The following PIBF1 variants were observed in gnomAD, a reference collection of about 807,000 sequenced individuals.
The protein encoded by PIBF1 is progesterone immunomodulatory binding factor 1, also known as progesterone-induced-blocking factor 1.
A neutral mutation model predicts 112.5 loss-of-function variants in PIBF1; 90 were observed. The ratio of observed to expected loss-of-function variants is 0.80; its 90% CI spans 0.67 to 0.95. The LOEUF is 0.95. PIBF1 is among the 40% of genes least tolerant of loss of function. The pLI is 0.00. For missense variants in PIBF1, 915 were observed against 852.3 expected (o/e 1.07, Z -0.92); for synonymous variants, 301 against 288.6 (o/e 1.04, Z -0.44).
intron 5 of PIBF1, among the ~76,000 whole-genome samples, chr13:72,802,598 G>A (rs2035538361): frequency 6.6e-6 from 1 of 152,166 alleles, no homozygotes; most frequent in Non-Finnish European, 1.5e-5. Flanking sequence ...TGGAAGGATA[G>A]ATTTCTGTTC....
chr13:72,901,078 T>C (rs1274402032), intron 11 of PIBF1: 1 of 447,000 alleles, frequency 2.2e-6, no homozygotes, highest in Non-Finnish European at 4.5e-6. Context: ...TGGGACCTGA[T>C]TAAAGAGCTT....
chr13:72,888,689 A>G (rs763678600), intron 10 of PIBF1, among the ~76,000 whole-genome samples: 2 of 152,274 alleles, frequency 1.3e-5, no homozygotes, highest in South Asian at 2.1e-4. Context: ...AGAATGAGGT[A>G]TAGACATGGA....
chr13:72,868,460 G>A (rs1330187917), intron 10 of PIBF1, among the ~76,000 whole-genome samples: 1 of 152,130 alleles, frequency 6.6e-6, no homozygotes, highest in Non-Finnish European at 1.5e-5. Context: ...ACAATGAAAT[G>A]TTAGCTTCAA....
rs77592941 is a variant in PIBF1 at position 72,864,857 on chromosome 13, T to A, written c.1322+10702T>A. The stretch of plus-strand genomic sequence containing the variant: ...CTCTTATTTCCTACAGTGTATATTC[T>A]GGTCCACAATGAGTCATTTTCAACA... On this transcript the variant is annotated intron_variant, in intron 10 of 17. Transcript: ENST00000326291. Among the ~76,000 whole-genome samples, 30 of 152,336 alleles carry A rather than the reference T, an allele frequency of 2.0e-4. 2 individuals are homozygous for A. The East Asian group carries it at 5.8e-3, about 29-fold the overall frequency.
At chr13:72,846,876 A>G (rs9543141) in intron 9 of PIBF1, among the ~76,000 whole-genome samples, 27,239 of 152,144 alleles carry the variant, frequency 0.18, 3,133 homozygotes, top group Non-Finnish European at 0.24. Context: ...ACTCCCAGGT[A>G]CCAGTGCCTG....
At chr13:72,997,312 C>T (rs962789756) in intron 16 of PIBF1, among the ~76,000 whole-genome samples, 4 of 152,134 alleles carry the variant, frequency 2.6e-5, no homozygotes, top group African/African-American at 9.7e-5. Flanking sequence ...GACATCAAAT[C>T]AATAATTATA....
At chr13:72,894,780 T>TA (rs2040210749) in intron 11 of PIBF1, among the ~76,000 whole-genome samples, 3 of 101,984 alleles carry the variant, frequency 2.9e-5, no homozygotes, top group African/African-American at 8.8e-5. Flanking sequence ...ATAGTGTGTG[T>TA]GTGTGTGTGT....
At chr13:73,002,800 A>G (rs548186809) in intron 17 of PIBF1, among the ~76,000 whole-genome samples, 1 of 152,140 alleles carries the variant, frequency 6.6e-6, no homozygotes, top group African/African-American at 2.4e-5. Flanking sequence ...CCTGGCCAAC[A>G]TACTGAAATC....
Position 72,952,035 on chromosome 13 carries a change from C to CTTTTTTTTT in PIBF1, c.1834-13230_1834-13222dup, listed in dbSNP as rs67211238. On this transcript the variant is annotated intron_variant, in intron 14 of 17. Coordinates refer to ENST00000326291, the MANE Select transcript of PIBF1 (RefSeq NM_006346.4). ...AATTTCTTTCTTTCTTTTCTTTTCT[C>CTTTTTTTTT]TTTTTTTTTTTTTTTTTGAGATGGA... Among the ~76,000 whole-genome samples, 68 of 122,968 alleles carry CTTTTTTTTT rather than the reference C, an allele frequency of 5.5e-4. 1 individual carries two copies. Among genetic ancestry groups the CTTTTTTTTT allele is most frequent in the Non-Finnish European group, 7.1e-4 (42 of 59,132 alleles). 80.7% of individuals were successfully genotyped at this position (122,968 alleles called of 152,430 possible). A position where few individuals can be genotyped will look rare whatever the true frequency, so the allele number is the denominator to read the frequency against.
rs1176079981 is a variant in PIBF1 at position 73,010,810 on chromosome 13, CTTTTTTTTTTTTTTTTTT to C, written c.2224-5046_2224-5029del. On this transcript the variant is annotated intron_variant, in intron 17 of 17. Transcript: ENST00000326291. ...CTGAGCTGGAAAATCATTAACTTTT[CTTTTTTTTTTTTTTTTTT>C]TTTTTTTTTTTTGAGACAGAGTTTT... Among the ~76,000 whole-genome samples, 40 of 40,304 alleles carry C rather than the reference CTTTTTTTTTTTTTTTTTT, an allele frequency of 9.9e-4. 2 individuals are homozygous for C. The highest frequency in any genetic ancestry group is 9.3e-4 in the Non-Finnish European group (21 of 22,538). 26.4% of individuals were successfully genotyped at this position (40,304 alleles called of 152,430 possible).
At chr13:72,977,048 A>G (rs1416044772) in intron 16 of PIBF1, among the ~76,000 whole-genome samples, 1 of 152,170 alleles carries the variant, frequency 6.6e-6, no homozygotes, top group East Asian at 1.9e-4. Flanking sequence ...TGGGAAAATT[A>G]TCTGATACCA....
intron 5 of PIBF1, among the ~76,000 whole-genome samples, chr13:72,814,504 A>G (rs1004544197): frequency 2.0e-5 from 3 of 151,326 alleles, no homozygotes; most frequent in African/African-American, 7.2e-5. Context: ...TATATAATAA[A>G]TTTTAAGTAC....
At chr13:73,007,803 C>G (rs2044083139) in intron 17 of PIBF1, among the ~76,000 whole-genome samples, 2 of 101,994 alleles carry the variant, frequency 2.0e-5, no homozygotes, top group South Asian at 8.6e-4. Context: ...GAGCCAAACT[C>G]CATCTCAAAA....
intron 10 of PIBF1, 125 bp from the exon 11 acceptor site, chr13:72,893,659 G>A (rs1313864395): frequency 2.0e-6 from 1 of 494,174 alleles, no homozygotes; most frequent in Non-Finnish European, 3.4e-6. Context: ...AAGCTTTGCT[G>A]AATAAATATA....
chr13:72,957,230 C>A lies in PIBF1; in HGVS notation c.1834-8044C>A, dbSNP rs1378944094. On this transcript the variant is annotated intron_variant, in intron 14 of 17. Transcript: ENST00000326291. ...TTGCACACTCATATTCATAGCAGCA[C>A]AATTCACAATTGCAAAAATATGGAA... 2.6e-5 allele frequency among the ~76,000 whole-genome samples: 4 copies of A among 152,246 alleles called. No homozygotes were observed. The South Asian group carries it at 6.2e-4, about 24-fold the overall frequency.
At chr13:72,993,280 G>GCAC (rs1424683482) in intron 16 of PIBF1, among the ~76,000 whole-genome samples, 1 of 151,952 alleles carries the variant, frequency 6.6e-6, no homozygotes, top group Non-Finnish European at 1.5e-5. Flanking sequence ...AGCCAAGATT[G>GCAC]TGCCACTGCA....
intron 16 of PIBF1, among the ~76,000 whole-genome samples, chr13:72,992,221 A>G (rs910923925): frequency 1.3e-5 from 2 of 152,240 alleles, no homozygotes; most frequent in African/African-American, 4.8e-5. Flanking sequence ...TGTCTTAAAC[A>G]AGTGGTAAAA....
At chr13:72,815,709 A>C (rs1415556844) in intron 5 of PIBF1, among the ~76,000 whole-genome samples, 1 of 152,116 alleles carries the variant, frequency 6.6e-6, no homozygotes, top group Admixed American at 6.6e-5. Context: ...TCTGTCATTC[A>C]GGCTGGAGTG....
chr13:72,939,276 C>T (rs893579756), intron 14 of PIBF1, among the ~76,000 whole-genome samples: 8 of 152,184 alleles, frequency 5.3e-5, no homozygotes, highest in African/African-American at 1.9e-4. Context: ...TAAAGTAAAC[C>T]GTTTAATATT....
Sources: allele counts gnomAD v4.1 joint callset (sites outside exome capture counted in the v4.1 genomes callset), GRCh38; gene constraint gnomAD v4.1.1; transcripts MANE v1.5; gene names NCBI Gene and HGNC (gene_info 2026-07-23, HGNC 2026-07-21).